The following B3GAT2 variants were observed in gnomAD, a reference collection of about 807,000 sequenced individuals.
The protein encoded by B3GAT2 is beta-1,3-glucuronyltransferase 2.
A neutral mutation model predicts 27.8 loss-of-function variants in B3GAT2; 26 were observed. That is an observed-to-expected ratio of 0.93 (90% CI 0.68 to 1.30). The LOEUF (loss-of-function observed/expected upper bound fraction) is 1.30. Among genes scored for constraint, B3GAT2 ranks in the 50% most tolerant of loss-of-function variants. The pLI is 0.00. For synonymous variants in B3GAT2, 218 were observed against 195.1 expected, an observed-to-expected ratio of 1.12 and a Z score of -0.98; for missense variants, 458 against 459.0, an observed-to-expected ratio of 1.00 and a Z score of 0.02.
At chr6:70,882,433 A>G (rs1436111301) in intron 2 of B3GAT2, among the ~76,000 whole-genome samples, 1 of 152,138 alleles carries the variant, frequency 6.6e-6, no homozygotes, top group Non-Finnish European at 1.5e-5. Context: ...CCCGGGAGGT[A>G]GAGCTTGCAG....
At position 70,860,535 on chromosome 6, in the gene B3GAT2, A is replaced by AG; in HGVS notation, c.*1127dup. 1 of 503,958 alleles carries AG rather than the reference A, an allele frequency of 2.0e-6. No individual in the cohort carries two copies. Among genetic ancestry groups the AG allele is most frequent in the Non-Finnish European group, 3.2e-6 (1 of 311,674 alleles). The allele number at this position is 503,958 out of a possible 1,614,324, so 31.2% of individuals were successfully genotyped here. On this transcript the variant is annotated 3_prime_UTR_variant, in exon 4 of 4. Coordinates refer to ENST00000230053, the MANE Select transcript of B3GAT2 (RefSeq NM_080742.3). Reference sequence around the variant, plus strand: ...CAGGTTGATAAATCATTTTATGTCAAGGGCAGCTTTGCTCATATTTCCCAT... The same window carrying AG: ...CAGGTTGATAAATCATTTTATGTCAAGGGGCAGCTTTGCTCATATTTCCCAT...
chr6:70,861,805 C>CACAT (rs1771745277), intron 3 of B3GAT2, 25 bp downstream of exon 3: 2 of 1,613,820 alleles, frequency 1.2e-6, no homozygotes. Flanking sequence ...CACTCGAGGT[C>CACAT]GGGCAGCACA....
intron 3 of B3GAT2, 29 bp from the exon 4 acceptor site, chr6:70,861,778 C>T (rs200977949): frequency 1.1e-5 from 17 of 1,613,986 alleles, no homozygotes; most frequent in East Asian, 4.5e-5. Context: ...GCTTGGGTAG[C>T]GCACTCTTCA....
intron 1 of B3GAT2, among the ~76,000 whole-genome samples, chr6:70,915,483 G>C (rs1044609821): frequency 6.6e-6 from 1 of 152,194 alleles, no homozygotes; most frequent in African/African-American, 2.4e-5. Context: ...CTTTGCCCAT[G>C]CCTATGCACT....
chr6:70,904,260 G>T (rs1030888459), intron 1 of B3GAT2, among the ~76,000 whole-genome samples: 1 of 152,172 alleles, frequency 6.6e-6, no homozygotes, highest in African/African-American at 2.4e-5. Flanking sequence ...TAGGTGACAG[G>T]GTGACAGTTC....
At chr6:70,871,943 T>A (rs1031361039) in intron 2 of B3GAT2, among the ~76,000 whole-genome samples, 31 of 151,998 alleles carry the variant, frequency 2.0e-4, no homozygotes, top group Non-Finnish European at 8.8e-5. Flanking sequence ...TTCCTTGTGA[T>A]TTCTTAACAA....
chr6:70,949,948 A>G (rs1056939558), intron 1 of B3GAT2, among the ~76,000 whole-genome samples: 9 of 151,848 alleles, frequency 5.9e-5, no homozygotes, highest in Middle Eastern at 3.4e-3. Context: ...GTAAACTATC[A>G]CAAGGACAAA....
At chr6:70,904,973 A>C (rs1206294984) in intron 1 of B3GAT2, among the ~76,000 whole-genome samples, 1 of 152,212 alleles carries the variant, frequency 6.6e-6, no homozygotes, top group African/African-American at 2.4e-5. Context: ...TTGGATGCAA[A>C]GAGGAAGACA....
chr6:70,879,158 G>T (rs79089412), intron 2 of B3GAT2, among the ~76,000 whole-genome samples: 3,666 of 151,916 alleles, frequency 0.024, 169 homozygotes, highest in African/African-American at 0.084. Flanking sequence ...AATTCACTTT[G>T]GCTAAAGCGC....
At chr6:70,914,413 G>T (rs1175345547) in intron 1 of B3GAT2, among the ~76,000 whole-genome samples, 1 of 152,138 alleles carries the variant, frequency 6.6e-6, no homozygotes, top group Non-Finnish European at 1.5e-5. Flanking sequence ...ATAGTTTGCT[G>T]AGAACGATGA....
intron 2 of B3GAT2, among the ~76,000 whole-genome samples, chr6:70,885,434 T>C (rs1243276932): frequency 6.6e-6 from 1 of 152,172 alleles, no homozygotes; most frequent in Non-Finnish European, 1.5e-5. Context: ...AAACAACTCT[T>C]TAATGATCTT....
At chr6:70,892,667 G>A (rs1034825992) in intron 2 of B3GAT2, among the ~76,000 whole-genome samples, 1 of 152,180 alleles carries the variant, frequency 6.6e-6, no homozygotes, top group African/African-American at 2.4e-5. Context: ...TCCGGCAGCT[G>A]CCTCACTTTA....
At chr6:70,954,376 A>C (rs1765617553) in intron 1 of B3GAT2, among the ~76,000 whole-genome samples, 1 of 152,212 alleles carries the variant, frequency 6.6e-6, no homozygotes, top group Non-Finnish European at 1.5e-5. Context: ...CTCTACAGTG[A>C]AAGGATGGAA....
intron 2 of B3GAT2, among the ~76,000 whole-genome samples, chr6:70,884,697 T>G (rs1772155473): frequency 6.6e-6 from 1 of 152,180 alleles, no homozygotes; most frequent in Non-Finnish European, 1.5e-5. Context: ...GAAGAGTAAC[T>G]GGAAATTAGC....
At chr6:70,924,385 G>GT (rs970645443) in intron 1 of B3GAT2, among the ~76,000 whole-genome samples, 2 of 152,138 alleles carry the variant, frequency 1.3e-5, no homozygotes, top group Admixed American at 6.5e-5. Context: ...TCCCAATGAT[G>GT]TTTTTTGCAG....
chr6:70,956,320 C>A lies in B3GAT2; in HGVS notation c.110G>T (p.Arg37Leu). 1 of 1,588,868 alleles carries A rather than the reference C, an allele frequency of 6.3e-7. No homozygotes were observed. Among genetic ancestry groups the A allele is most frequent in the Non-Finnish European group, 8.6e-7 (1 of 1,167,206 alleles). The change falls in exon 1 of 4, where the codon CGC becomes CTC. Residue 37 changes from arginine (R) to leucine (L), a missense_variant. Arg to Leu is a moderately radical substitution (Grantham distance 102). Coordinates refer to ENST00000230053, the MANE Select transcript of B3GAT2 (RefSeq NM_080742.3). ...CACCGCGTAGGGAGAGAAGTAGGGG[C>A]GCGGGGTGAGCGGGGGCACTGGCCT... is the stretch of plus-strand genomic sequence containing the variant. The part of the protein sequence containing the change: ...TRRPVPPLTP[R>L]PYFSPYAVGR...
intron 1 of B3GAT2, among the ~76,000 whole-genome samples, chr6:70,905,148 T>G (rs2150036453): frequency 6.6e-6 from 1 of 152,342 alleles, no homozygotes; most frequent in East Asian, 1.9e-4. Flanking sequence ...TCCCCAAGGT[T>G]TCCAGGAAAG....
chr6:70,893,831 C>A (rs566375546), intron 2 of B3GAT2, among the ~76,000 whole-genome samples: 1 of 152,266 alleles, frequency 6.6e-6, no homozygotes, highest in Non-Finnish European at 1.5e-5. Context: ...GCTCTCACCA[C>A]CGAATCCCCA....
At chr6:70,879,928 G>C (rs922383775) in intron 2 of B3GAT2, among the ~76,000 whole-genome samples, 2 of 152,156 alleles carry the variant, frequency 1.3e-5, no homozygotes, top group Admixed American at 1.3e-4. Flanking sequence ...TGCAGGGCCT[G>C]GGAGGCCATG....
Sources: gnomAD v4.1 joint callset for allele counts (sites outside exome capture counted in the v4.1 genomes callset) on GRCh38, gnomAD v4.1.1 for gene constraint, MANE v1.5 for transcripts, NCBI Gene and HGNC (gene_info 2026-07-23, HGNC 2026-07-21) for gene names.